Variants in ADGRB3 observed in about 807,000 individuals in gnomAD.
ADGRB3 encodes the protein adhesion G protein-coupled receptor B3.
A neutral mutation model predicts 193.4 loss-of-function variants in ADGRB3; 37 were observed. The ratio of observed to expected loss-of-function variants is 0.19; its 90% CI spans 0.15 to 0.25. The LOEUF (loss-of-function observed/expected upper bound fraction) is 0.25. Ranked by LOEUF, ADGRB3 falls within the 10% of genes least tolerant of loss-of-function variation. The probability of loss-of-function intolerance (pLI) is 1.00; values close to 1 mark genes in which losing one functional copy is unlikely to be tolerated. For synonymous variants in ADGRB3, 690 were observed against 644.2 expected (o/e 1.07, Z -1.08); for missense variants, 1,637 against 1,852.9 (o/e 0.88, Z 2.14).
At position 69,040,353 on chromosome 6, in the gene ADGRB3, C is replaced by CTTTCT. The variant is rs1554251283; in HGVS notation, c.2108-7829_2108-7825dup. Among the ~76,000 whole-genome samples the CTTTCT allele has an allele frequency of 1.4e-4, 8 of 56,162 alleles. 1 individual carries two copies. Among genetic ancestry groups the CTTTCT allele is most frequent in the African/African-American group, 4.4e-4 (8 of 18,262 alleles). The allele number at this position is 56,162 out of a possible 152,430, so 36.8% of individuals were successfully genotyped here. A position where few individuals can be genotyped will look rare whatever the true frequency, so the allele number is the denominator to read the frequency against. ...TCTTTCTTTCTTTCTTTCTTTCTTT[C>CTTTCT]TTTCTTTCTTTCTTTCTTTCTTTCC... On this transcript the variant is annotated intron_variant, in intron 13 of 31. Coordinates refer to ENST00000370598, the MANE Select transcript of ADGRB3 (RefSeq NM_001704.3).
chr6:69,096,415 T>C (rs1207657750), intron 17 of ADGRB3, among the ~76,000 whole-genome samples: 1 of 149,900 alleles, frequency 6.7e-6, no homozygotes, highest in Non-Finnish European at 1.5e-5. Flanking sequence ...TCTATATGCA[T>C]CTATTATGCC....
intron 3 of ADGRB3, among the ~76,000 whole-genome samples, chr6:68,847,234 G>A (rs1768297583): frequency 6.6e-6 from 1 of 152,186 alleles, no homozygotes; most frequent in Non-Finnish European, 1.5e-5. Context: ...AGGCTCATAG[G>A]TGGAAGGGAC....
intron 17 of ADGRB3, among the ~76,000 whole-genome samples, chr6:69,186,945 TTTTTTTTTTTTGA>T (rs1278333583): frequency 1.1e-5 from 1 of 92,366 alleles, no homozygotes; most frequent in Non-Finnish European, 2.2e-5. Context: ...TTGTTTTTTG[TTTTTTTTTTTTGA>T]CAACGCATGC....
intron 5 of ADGRB3, among the ~76,000 whole-genome samples, chr6:68,937,094 CTA>C (rs1767506051): frequency 6.6e-6 from 1 of 152,170 alleles, no homozygotes; most frequent in South Asian, 2.1e-4. Context: ...AGCAGTTTTT[CTA>C]TCACTTATCT....
chr6:68,777,209 T>C (rs1411450215), intron 3 of ADGRB3, among the ~76,000 whole-genome samples: 1 of 152,130 alleles, frequency 6.6e-6, no homozygotes, highest in African/African-American at 2.4e-5. Context: ...TTCTTGTCTC[T>C]GAAAGCACAG....
intron 17 of ADGRB3, among the ~76,000 whole-genome samples, chr6:69,205,600 C>G (rs561565317): frequency 4.6e-5 from 7 of 152,164 alleles, no homozygotes; most frequent in South Asian, 2.1e-4. Context: ...GCACTGGCCT[C>G]TAGTATGGGT....
In ADGRB3 at chr6:69,025,866, G is replaced by A. The variant is rs1448239572; in HGVS notation, c.2107+7367G>A. ...GATCCTCTAATTCCACATGGTTGGG[G>A]TGGAAGCACTGGGGAGGGTGACATT... is the stretch of plus-strand genomic sequence containing the variant. On this transcript the variant is annotated intron_variant, in intron 13 of 31. Transcript: ENST00000370598. Among the ~76,000 whole-genome samples, 4 of 152,272 alleles carry A rather than the reference G, an allele frequency of 2.6e-5. No individual in the cohort carries two copies. The East Asian group carries it at 7.7e-4, about 29-fold the overall frequency.
At chr6:69,273,444 G>T (rs1422957376) in intron 20 of ADGRB3, among the ~76,000 whole-genome samples, 2 of 152,154 alleles carry the variant, frequency 1.3e-5, no homozygotes, top group African/African-American at 2.4e-5. Context: ...GCTCCAAGTA[G>T]ATTATATTAT....
intron 30 of ADGRB3, among the ~76,000 whole-genome samples, chr6:69,372,862 ATTAC>A (rs1769734819): frequency 6.6e-6 from 1 of 151,874 alleles, no homozygotes; most frequent in Non-Finnish European, 1.5e-5. Context: ...TTCTCTGAAA[ATTAC>A]TTGTTTCATG....
intron 17 of ADGRB3, among the ~76,000 whole-genome samples, chr6:69,210,239 G>A (rs563451379): frequency 3.4e-5 from 5 of 145,688 alleles, no homozygotes; most frequent in African/African-American, 1.3e-4. Flanking sequence ...AGACTGAGGA[G>A]CAAGGAGAGC....
chr6:68,905,977 TTTAGAA>T (rs1766534082), intron 3 of ADGRB3, among the ~76,000 whole-genome samples: 1 of 152,130 alleles, frequency 6.6e-6, no homozygotes, highest in African/African-American at 2.4e-5. Flanking sequence ...CTGCTTGACT[TTTAGAA>T]TTACTGTATA....
At chr6:68,777,281 T>C (rs911827479) in intron 3 of ADGRB3, among the ~76,000 whole-genome samples, 1 of 152,152 alleles carries the variant, frequency 6.6e-6, no homozygotes, top group Admixed American at 6.6e-5. Context: ...TTGGTTCACT[T>C]GCACTATGAT....
intron 17 of ADGRB3, among the ~76,000 whole-genome samples, chr6:69,210,323 A>T (rs1765635950): frequency 6.6e-6 from 1 of 151,382 alleles, no homozygotes; most frequent in Non-Finnish European, 1.5e-5. Flanking sequence ...TGGGAGAAAG[A>T]TGTAGGCCTG....
At chr6:69,127,506 C>A (rs1465443024) in intron 17 of ADGRB3, among the ~76,000 whole-genome samples, 1 of 152,166 alleles carries the variant, frequency 6.6e-6, no homozygotes, top group Non-Finnish European at 1.5e-5. Flanking sequence ...ATTCCGATTT[C>A]TATTCAGTAA....
intron 3 of ADGRB3, among the ~76,000 whole-genome samples, chr6:68,821,637 C>G (rs977581751): frequency 6.6e-6 from 1 of 151,248 alleles, no homozygotes; most frequent in African/African-American, 2.4e-5. Context: ...TATAATTTGC[C>G]TCTTTTTTTT....
intron 3 of ADGRB3, among the ~76,000 whole-genome samples, chr6:68,797,666 G>C (rs974792384): frequency 7.9e-5 from 12 of 152,056 alleles, no homozygotes; most frequent in Admixed American, 1.3e-4. Flanking sequence ...TCCAGCTTCT[G>C]GTCTAGGGAT....
chr6:68,925,800 T>G lies in ADGRB3; in HGVS notation c.758-4759T>G, dbSNP rs560400537. On this transcript the variant is annotated intron_variant, in intron 3 of 31. Coordinates refer to ENST00000370598, the MANE Select transcript of ADGRB3 (RefSeq NM_001704.3). ...AGGATCAGGCCATGTATAATGGATT[T>G]CCTTGAACTATGAGCTTTAGAATAT... 6.2e-4 allele frequency among the ~76,000 whole-genome samples: 94 copies of G among 152,168 alleles called. 4 individuals carry two copies. The South Asian group carries it at 0.018, about 30-fold the overall frequency.
At chr6:69,028,698 T>C (rs373383478) in intron 13 of ADGRB3, among the ~76,000 whole-genome samples, 1 of 152,170 alleles carries the variant, frequency 6.6e-6, no homozygotes, top group East Asian at 1.9e-4. Flanking sequence ...CTTGAAAACG[T>C]TGTCAATACT....
intron 17 of ADGRB3, among the ~76,000 whole-genome samples, chr6:69,136,119 T>C (rs1425147433): frequency 1.3e-5 from 2 of 152,050 alleles, no homozygotes; most frequent in Non-Finnish European, 2.9e-5. Flanking sequence ...TGTGTTTATG[T>C]ATGTGGGTGT....
Sources: allele counts gnomAD v4.1 joint callset (sites outside exome capture counted in the v4.1 genomes callset), GRCh38; gene constraint gnomAD v4.1.1; transcripts MANE v1.5; gene names NCBI Gene and HGNC (gene_info 2026-07-23, HGNC 2026-07-21).